BMPR1B: variants seen among roughly 807,000 people sequenced by gnomAD.
The protein encoded by BMPR1B is bone morphogenetic protein receptor type-1B.
BMPR1B carries 12 observed loss-of-function variants against 59.1 expected under a neutral mutation model. The observed-to-expected ratio is 0.20, with a 90% CI of 0.13 to 0.33. The LOEUF (loss-of-function observed/expected upper bound fraction) is 0.33, where lower values mean the gene tolerates loss of function less well. BMPR1B is among the 10% of genes least tolerant of loss of function. The pLI is 1.00. For synonymous variants in BMPR1B, 237 were observed against 207.3 expected (o/e 1.14, Z -1.23); for missense variants, 550 against 610.9 (o/e 0.90, Z 1.05).
At chr4:94,766,480 A>G (rs1721972742) in intron 1 of BMPR1B, among the ~76,000 whole-genome samples, 1 of 151,424 alleles carries the variant, frequency 6.6e-6, no homozygotes, top group Admixed American at 6.6e-5. Flanking sequence ...CTACCCAGAA[A>G]ACGACTTCCA....
chr4:95,084,770 A>T (rs1015812602), intron 3 of BMPR1B, among the ~76,000 whole-genome samples: 1 of 152,154 alleles, frequency 6.6e-6, no homozygotes, highest in African/African-American at 2.4e-5. Flanking sequence ...CTTTTCCATA[A>T]TCTAATTCAT....
chr4:95,123,922 G>T lies in BMPR1B; in HGVS notation c.446+16G>T. On this transcript the variant is annotated intron_variant, in intron 7 of 12. Transcript: ENST00000515059. ...GTTACTTCCGGTAAGTTTCTAACAT[G>T]TAGATGCAAAATTTTTAATTTATAG... The T allele has an allele frequency of 6.4e-7, 1 of 1,568,390 alleles. No individual in the cohort carries two copies. The highest frequency in any genetic ancestry group is 8.8e-7 in the Non-Finnish European group (1 of 1,141,188).
chr4:95,152,376 ATGCT>A (rs2149330179), intron 11 of BMPR1B, among the ~76,000 whole-genome samples: 1 of 152,322 alleles, frequency 6.6e-6, no homozygotes, highest in Admixed American at 6.5e-5. Context: ...TAAATTTAAG[ATGCT>A]TGTTTTACTT....
At chr4:94,804,992 T>C (rs1448417139) in intron 1 of BMPR1B, among the ~76,000 whole-genome samples, 2 of 152,210 alleles carry the variant, frequency 1.3e-5, no homozygotes, top group Admixed American at 6.5e-5. Flanking sequence ...AGCCAGGATG[T>C]ACACTTTTCT....
intron 10 of BMPR1B, among the ~76,000 whole-genome samples, chr4:95,137,882 A>G (rs918413745): frequency 1.3e-5 from 2 of 152,136 alleles, no homozygotes; most frequent in Non-Finnish European, 2.9e-5. Context: ...CGTATCTTTT[A>G]ATTGGAGCAT....
At chr4:94,838,194 C>T (rs1456948241) in intron 1 of BMPR1B, among the ~76,000 whole-genome samples, 1 of 111,396 alleles carries the variant, frequency 9.0e-6, no homozygotes, top group South Asian at 3.4e-4. Context: ...CATCAATGTT[C>T]ATCAAGGATA....
chr4:94,835,692 T>C (rs1407612087), intron 1 of BMPR1B, among the ~76,000 whole-genome samples: 1 of 152,236 alleles, frequency 6.6e-6, no homozygotes, highest in East Asian at 1.9e-4. Flanking sequence ...GATTCTGTTT[T>C]CTAAGACTAC....
At chr4:94,784,419 A>G (rs576453593) in intron 1 of BMPR1B, among the ~76,000 whole-genome samples, 5 of 152,262 alleles carry the variant, frequency 3.3e-5, no homozygotes, top group African/African-American at 1.2e-4. Context: ...TAAACTACTT[A>G]GATTTCTTAT....
chr4:94,902,039 A>C lies in BMPR1B; in HGVS notation c.-113+26139A>C, dbSNP rs568431119. Among the ~76,000 whole-genome samples, 3 of 131,486 alleles carry C rather than the reference A, an allele frequency of 2.3e-5. No homozygotes were observed. The East Asian group carries it at 6.4e-4, about 28-fold the overall frequency. 86.3% of individuals were successfully genotyped at this position (131,486 alleles called of 152,430 possible). ...TAGACTGGTTAAGAGGGCTCTGCAG[A>C]CTGCATGGTGTGTGTGTGTGTGTGT... On this transcript the variant is annotated intron_variant, in intron 2 of 12. Coordinates refer to ENST00000515059, the MANE Select transcript of BMPR1B (RefSeq NM_001203.3).
At chr4:94,873,358 C>T (rs1726577635) in intron 1 of BMPR1B, among the ~76,000 whole-genome samples, 1 of 151,534 alleles carries the variant, frequency 6.6e-6, no homozygotes, top group Non-Finnish European at 1.5e-5. Context: ...CCGGATTTCC[C>T]ATCTCTATTT....
intron 1 of BMPR1B, among the ~76,000 whole-genome samples, chr4:94,850,804 T>C (rs1009054132): frequency 2.0e-5 from 3 of 152,140 alleles, no homozygotes; most frequent in Non-Finnish European, 4.4e-5. Context: ...CAAACAGATA[T>C]CCCAGATTGT....
rs1025582181 is a variant in BMPR1B at position 94,793,479 on chromosome 4, C to T, written c.-183+35411C>T. On this transcript the variant is annotated intron_variant, in intron 1 of 12. Coordinates refer to ENST00000515059, the MANE Select transcript of BMPR1B (RefSeq NM_001203.3). ...CGTGAATAATGCCGCAATAAACATACGGGTGCATGTGTCTTTATAGCAGCA... is the reference window on the plus strand; with the variant it reads ...CGTGAATAATGCCGCAATAAACATATGGGTGCATGTGTCTTTATAGCAGCA... 4.5e-3 allele frequency among the ~76,000 whole-genome samples: 673 copies of T among 151,044 alleles called. 7 individuals are homozygous for T. Among genetic ancestry groups the T allele is most frequent in the African/African-American group, 0.016 (634 of 40,654 alleles).
At chr4:94,787,059 C>T (rs901443585) in intron 1 of BMPR1B, among the ~76,000 whole-genome samples, 1 of 152,112 alleles carries the variant, frequency 6.6e-6, no homozygotes, top group African/African-American at 2.4e-5. Flanking sequence ...GAATTATTGA[C>T]CCTATGGCTG....
At chr4:95,144,478 C>CT (rs33917101) in intron 10 of BMPR1B, among the ~76,000 whole-genome samples, 2,894 of 149,612 alleles carry the variant, frequency 0.019, 74 homozygotes, top group African/African-American at 0.061. Flanking sequence ...CACACCAGGC[C>CT]TTTTTTTTTT....
intron 2 of BMPR1B, among the ~76,000 whole-genome samples, chr4:94,986,522 G>A (rs1022073758): frequency 6.6e-6 from 1 of 152,052 alleles, no homozygotes; most frequent in East Asian, 1.9e-4. Flanking sequence ...AAGTATAGAA[G>A]TGAGATTTTT....
chr4:95,133,207 C>G (rs921234716), intron 10 of BMPR1B, among the ~76,000 whole-genome samples: 15 of 152,156 alleles, frequency 9.9e-5, no homozygotes, highest in Non-Finnish European at 2.2e-4. Context: ...TGGGGTGAAG[C>G]ATTTTGAGTT....
intron 2 of BMPR1B, among the ~76,000 whole-genome samples, chr4:94,919,370 A>G (rs1728604409): frequency 6.6e-6 from 1 of 152,208 alleles, no homozygotes; most frequent in South Asian, 2.1e-4. Context: ...AGTACATTTA[A>G]AATTATAATC....
chr4:95,125,999 T>C (rs1335390284), intron 8 of BMPR1B, among the ~76,000 whole-genome samples: 1 of 152,152 alleles, frequency 6.6e-6, no homozygotes. Flanking sequence ...TCCACGTCAT[T>C]GCAAATGTAA....
At chr4:94,773,863 A>C (rs946506458) in intron 1 of BMPR1B, among the ~76,000 whole-genome samples, 5 of 152,014 alleles carry the variant, frequency 3.3e-5, no homozygotes, top group African/African-American at 1.2e-4. Context: ...AACCAGGTTG[A>C]AGTGTTATGC....
Sources: allele counts gnomAD v4.1 joint callset (sites outside exome capture counted in the v4.1 genomes callset), GRCh38; gene constraint gnomAD v4.1.1; transcripts MANE v1.5; gene names NCBI Gene and HGNC (gene_info 2026-07-23, HGNC 2026-07-21).